Variants in ADGRL2 observed in about 807,000 individuals in gnomAD.
ADGRL2 encodes the protein calcium-independent alpha-latrotoxin receptor 2.
Under a neutral mutation model 157.4 loss-of-function variants are expected in ADGRL2, and 44 were observed. The ratio of observed to expected loss-of-function variants is 0.28; its 90% confidence interval spans 0.22 to 0.36. ADGRL2 has a LOEUF of 0.36. ADGRL2 is among the 10% of genes least tolerant of loss of function. The pLI is 1.00. For synonymous variants in ADGRL2, 585 were observed against 624.7 expected, an observed-to-expected ratio of 0.94 and a Z score of 0.95; for missense variants, 1,510 against 1,768.9, an observed-to-expected ratio of 0.85 and a Z score of 2.63.
At chr1:81,410,097 G>T (rs1557668030) in intron 1 of ADGRL2, among the ~76,000 whole-genome samples, 1 of 152,160 alleles carries the variant, frequency 6.6e-6, no homozygotes, top group Non-Finnish European at 1.5e-5. Context: ...TTACATGAAA[G>T]TCAGCCCAAA....
At chr1:81,443,282 C>T (rs1018013837) in intron 1 of ADGRL2, among the ~76,000 whole-genome samples, 1 of 152,128 alleles carries the variant, frequency 6.6e-6, no homozygotes, top group Admixed American at 6.5e-5. Flanking sequence ...ATTAGCAAGT[C>T]ATGATGGCAG....
At chr1:81,546,350 T>C (rs2080018459) in intron 2 of ADGRL2, among the ~76,000 whole-genome samples, 1 of 152,226 alleles carries the variant, frequency 6.6e-6, no homozygotes, top group Non-Finnish European at 1.5e-5. Context: ...TCATTTAGCA[T>C]TGGCTCAATA....
chr1:81,568,846 CT>C (rs2080621811), intron 2 of ADGRL2, among the ~76,000 whole-genome samples: 1 of 151,812 alleles, frequency 6.6e-6, no homozygotes, highest in South Asian at 2.1e-4. Flanking sequence ...ACATTTTTAC[CT>C]ATGTTCTTGG....
rs556896845 is a variant in ADGRL2 at position 81,993,275 on chromosome 1, C to T, written c.*2130C>T. Among the ~76,000 whole-genome samples, 205 of 150,532 alleles carry T rather than the reference C, an allele frequency of 1.4e-3. No individual in the cohort carries two copies. The highest frequency in any genetic ancestry group is 2.2e-3 in the Non-Finnish European group (150 of 67,678). On this transcript the variant is annotated 3_prime_UTR_variant, in exon 24 of 24. Transcript: ENST00000686636. ...AAATTCTTCAGGGATTTATAAACTA[C>T]TTGCTAAAGGAGGGCATTAGATAAT...
chr1:81,714,117 A>T (rs2084028782), intron 1 of ADGRL2, among the ~76,000 whole-genome samples: 1 of 152,168 alleles, frequency 6.6e-6, no homozygotes, highest in Non-Finnish European at 1.5e-5. Flanking sequence ...TCCTCTGATG[A>T]TTCCATTACC....
intron 2 of ADGRL2, among the ~76,000 whole-genome samples, chr1:81,870,376 T>C (rs551230904): frequency 2.0e-5 from 3 of 152,218 alleles, no homozygotes; most frequent in South Asian, 2.1e-4. Context: ...TCCTGTTTAT[T>C]CTTTCTTGGA....
At chr1:81,752,814 C>T (rs918099552) in intron 1 of ADGRL2, among the ~76,000 whole-genome samples, 1 of 152,048 alleles carries the variant, frequency 6.6e-6, no homozygotes, top group Non-Finnish European at 1.5e-5. Context: ...TATGAAGAAG[C>T]CAAATAGCTA....
intron 2 of ADGRL2, among the ~76,000 whole-genome samples, chr1:81,770,133 G>A (rs1009539513): frequency 3.4e-5 from 5 of 146,538 alleles, no homozygotes; most frequent in African/African-American, 1.3e-4. Flanking sequence ...GGGATTACAG[G>A]CATGAGCCAC....
intron 2 of ADGRL2, among the ~76,000 whole-genome samples, chr1:81,880,483 C>A (rs958743168): frequency 4.6e-5 from 7 of 152,060 alleles, no homozygotes; most frequent in African/African-American, 1.7e-4. Flanking sequence ...AGTAGGCATG[C>A]GGACACTTGA....
intron 1 of ADGRL2, among the ~76,000 whole-genome samples, chr1:81,424,531 T>G (rs2077178055): frequency 6.6e-6 from 1 of 152,238 alleles, no homozygotes; most frequent in South Asian, 2.1e-4. Context: ...CCAGCTACTC[T>G]GTCCACAATC....
chr1:81,643,217 C>T (rs2082253995), intron 3 of ADGRL2, among the ~76,000 whole-genome samples: 1 of 152,110 alleles, frequency 6.6e-6, no homozygotes. Flanking sequence ...CTTCCCGGGA[C>T]TAATAAGTGA....
chr1:81,459,042 G>C (rs2077867055), intron 2 of ADGRL2, among the ~76,000 whole-genome samples: 1 of 152,152 alleles, frequency 6.6e-6, no homozygotes, highest in Non-Finnish European at 1.5e-5. Context: ...TGTGAGAGGG[G>C]ACCCAAAAGC....
At chr1:81,725,656 T>A (rs1232480407) in intron 1 of ADGRL2, among the ~76,000 whole-genome samples, 2 of 152,202 alleles carry the variant, frequency 1.3e-5, no homozygotes, top group South Asian at 4.1e-4. Context: ...TCAGGAACAG[T>A]TTCTTCTGGA....
chr1:81,918,747 TGAA>T (rs2094915461), intron 3 of ADGRL2, among the ~76,000 whole-genome samples: 1 of 152,158 alleles, frequency 6.6e-6, no homozygotes, highest in Admixed American at 6.5e-5. Flanking sequence ...AATTTTTACA[TGAA>T]GAGACACTCA....
chr1:81,781,654 A>G (rs534898614), intron 2 of ADGRL2, among the ~76,000 whole-genome samples: 15 of 152,276 alleles, frequency 9.9e-5, no homozygotes, highest in African/African-American at 2.9e-4. Flanking sequence ...GCGATTTCCC[A>G]GTGTATTTAG....
chr1:81,905,947 A>T (rs1018905715), intron 2 of ADGRL2, among the ~76,000 whole-genome samples: 21 of 144,484 alleles, frequency 1.5e-4, no homozygotes, highest in Non-Finnish European at 2.6e-4. Context: ...AAAAAAGCAG[A>T]GTGTGTGTGT....
chr1:81,771,772 A>C (rs1228686519), intron 2 of ADGRL2, among the ~76,000 whole-genome samples: 1 of 152,192 alleles, frequency 6.6e-6, no homozygotes, highest in Non-Finnish European at 1.5e-5. Flanking sequence ...ATACGCCCAC[A>C]GTTAGAAATC....
intron 1 of ADGRL2, among the ~76,000 whole-genome samples, chr1:81,419,640 A>T (rs977294518): frequency 6.6e-6 from 1 of 152,248 alleles, no homozygotes; most frequent in African/African-American, 2.4e-5. Flanking sequence ...TCTCTAGGAC[A>T]GTATTTTCAA....
At chr1:81,854,788 T>A (rs1033776750) in intron 2 of ADGRL2, among the ~76,000 whole-genome samples, 1 of 152,226 alleles carries the variant, frequency 6.6e-6, no homozygotes, top group Admixed American at 6.5e-5. Context: ...AAAGTTCTTC[T>A]GAGCTCCAGG....
Sources: allele counts gnomAD v4.1 joint callset (sites outside exome capture counted in the v4.1 genomes callset), GRCh38; gene constraint gnomAD v4.1.1; transcripts MANE v1.5; gene names NCBI Gene and HGNC (gene_info 2026-07-23, HGNC 2026-07-21).